IL1RAPL2: variants seen among roughly 807,000 people sequenced by gnomAD.
The protein encoded by IL1RAPL2 is interleukin 1 receptor accessory protein like 2, also known as X-linked interleukin-1 receptor accessory protein-like 2.
In IL1RAPL2, 3 loss-of-function variants were observed where a neutral mutation model predicts 44.1. The ratio of observed to expected loss-of-function variants is 0.07; its 90% CI spans 0.03 to 0.18. The LOEUF (loss-of-function observed/expected upper bound fraction) is 0.18. IL1RAPL2 is among the 10% of genes least tolerant of loss of function. IL1RAPL2 has a pLI of 1.00. For missense variants in IL1RAPL2, 391 were observed against 496.4 expected (o/e 0.79, Z 2.02); for synonymous variants, 181 against 178.8 (o/e 1.01, Z -0.10).
At chrX:105,167,640 T>G in intron 2 of IL1RAPL2, among the ~76,000 whole-genome samples, 1 of 38,527 alleles carries the variant, frequency 2.6e-5, no homozygotes, top group Admixed American at 4.0e-4. Flanking sequence ...CCCCCCCACA[T>G]ACCCACATCC....
intron 5 of IL1RAPL2, among the ~76,000 whole-genome samples, chrX:105,426,077 G>A (rs774222243): frequency 6.5e-5 from 7 of 107,277 alleles, no homozygotes; most frequent in Non-Finnish European, 1.3e-4. Context: ...ATCCATTAGG[G>A]CAGGGATTGA....
intron 2 of IL1RAPL2, among the ~76,000 whole-genome samples, chrX:104,981,027 C>G (rs1338242900): frequency 1.9e-5 from 2 of 108,019 alleles, no homozygotes; most frequent in Admixed American, 9.9e-5. Context: ...AGATCTTTCA[C>G]CTTCCTGGTT....
chrX:104,942,472 G>A (rs1925209022), intron 2 of IL1RAPL2, among the ~76,000 whole-genome samples: 1 of 110,832 alleles, frequency 9.0e-6, no homozygotes, highest in Non-Finnish European at 1.9e-5. Flanking sequence ...ATTGTGAATG[G>A]GAGTTCACTC....
At chrX:104,701,487 A>G in intron 2 of IL1RAPL2, among the ~76,000 whole-genome samples, 1 of 111,751 alleles carries the variant, frequency 8.9e-6, no homozygotes, top group Non-Finnish European at 1.9e-5. Context: ...TCTGTTTTGG[A>G]TCCCTTTTCT....
At chrX:105,338,736 G>T (rs1228697389) in intron 5 of IL1RAPL2, among the ~76,000 whole-genome samples, 2 of 111,213 alleles carry the variant, frequency 1.8e-5, no homozygotes, top group East Asian at 5.7e-4. Flanking sequence ...TTCTCCTTCA[G>T]CATCTTTTGC....
chrX:105,490,942 C>CA (rs2036312666), intron 6 of IL1RAPL2, among the ~76,000 whole-genome samples: 1 of 111,990 alleles, frequency 8.9e-6, no homozygotes, highest in Non-Finnish European at 1.9e-5. Context: ...AAAACAATGA[C>CA]AAAACTCTGT....
intron 6 of IL1RAPL2, among the ~76,000 whole-genome samples, chrX:105,553,878 A>G (rs374277778): frequency 7.1e-5 from 8 of 112,783 alleles, no homozygotes; most frequent in South Asian, 7.3e-4. Context: ...TTTTTCCTCA[A>G]TAGGACTGAC....
intron 4 of IL1RAPL2, among the ~76,000 whole-genome samples, chrX:105,238,855 A>G (rs897922937): frequency 4.5e-5 from 5 of 111,521 alleles, no homozygotes; most frequent in Non-Finnish European, 9.4e-5. Context: ...TCATGGTCAC[A>G]CATTTCCTTC....
chrX:104,859,939 T>C (rs1922452589), intron 2 of IL1RAPL2, among the ~76,000 whole-genome samples: 2 of 112,142 alleles, frequency 1.8e-5, no homozygotes, highest in African/African-American at 6.5e-5. Context: ...CACAGAGCCA[T>C]TTTTAATCTT....
intron 6 of IL1RAPL2, among the ~76,000 whole-genome samples, chrX:105,610,191 A>G (rs1425306439): frequency 3.6e-5 from 4 of 111,689 alleles, no homozygotes; most frequent in Non-Finnish European, 1.9e-5. Flanking sequence ...TTTTTAGGAT[A>G]GAAGATTGAT....
At chrX:105,266,449 G>A (rs2034403544) in intron 4 of IL1RAPL2, among the ~76,000 whole-genome samples, 1 of 111,669 alleles carries the variant, frequency 9.0e-6, no homozygotes, top group African/African-American at 3.3e-5. Context: ...AACATTTGAG[G>A]CGAATGATAG....
At chrX:105,052,214 C>G (rs1241958034) in intron 2 of IL1RAPL2, among the ~76,000 whole-genome samples, 1 of 111,658 alleles carries the variant, frequency 9.0e-6, no homozygotes, top group Non-Finnish European at 1.9e-5. Context: ...CTTCCTCTAG[C>G]CATCATGTCT....
rs999495064 is a variant in IL1RAPL2, at chrX:104,566,264, C to A, written c.-807C>A. ...AGCTCTCGGTCACTCCCACTACCCT[C>A]CCACCCGCACTCCAGGCATATTTTG... On this transcript the variant is annotated 5_prime_UTR_variant, in exon 1 of 11. Coordinates refer to ENST00000372582, the MANE Select transcript of IL1RAPL2 (RefSeq NM_017416.2). 8.9e-6 allele frequency: 1 copy of A among 112,623 alleles called. No individual in the cohort carries two copies. The highest frequency in any genetic ancestry group is 3.2e-5 in the African/African-American group (1 of 31,014). 9.3% of individuals were successfully genotyped at this position (112,623 alleles called of 1,213,427 possible).
intron 5 of IL1RAPL2, among the ~76,000 whole-genome samples, chrX:105,336,604 T>A (rs2035030593): frequency 8.9e-6 from 1 of 112,049 alleles, no homozygotes; most frequent in Admixed American, 9.5e-5. Flanking sequence ...TTTTCTTCTC[T>A]TATTCTGTAC....
intron 1 of IL1RAPL2, among the ~76,000 whole-genome samples, chrX:104,568,143 C>A (rs1202863822): frequency 1.8e-5 from 2 of 110,735 alleles, no homozygotes; most frequent in Admixed American, 9.6e-5. Flanking sequence ...AATGAGGAAG[C>A]GGGACCTGCC....
At chrX:105,094,994 A>G (rs2032587581) in intron 2 of IL1RAPL2, among the ~76,000 whole-genome samples, 1 of 111,653 alleles carries the variant, frequency 9.0e-6, no homozygotes, top group East Asian at 2.8e-4. Flanking sequence ...TACTATTAAT[A>G]TATATTTTTG....
chrX:104,632,434 G>A (rs1407124744), intron 1 of IL1RAPL2, among the ~76,000 whole-genome samples: 1 of 111,727 alleles, frequency 9.0e-6, no homozygotes, highest in Non-Finnish European at 1.9e-5. Flanking sequence ...ACCTTGGACA[G>A]TGTGGCCATT....
intron 6 of IL1RAPL2, among the ~76,000 whole-genome samples, chrX:105,666,624 TACAA>T (rs1230814824): frequency 1.8e-5 from 2 of 112,004 alleles, no homozygotes; most frequent in Non-Finnish European, 3.8e-5. Context: ...AAAAGCTGGT[TACAA>T]ACAATCCATA....
intron 2 of IL1RAPL2, among the ~76,000 whole-genome samples, chrX:104,669,413 T>C (rs1220807851): frequency 1.8e-5 from 2 of 111,211 alleles, no homozygotes; most frequent in Non-Finnish European, 1.9e-5. Flanking sequence ...CATTTTCCTC[T>C]CTGTCTCTTA....
Sources: gnomAD v4.1 joint callset for allele counts (sites outside exome capture counted in the v4.1 genomes callset) on GRCh38, gnomAD v4.1.1 for gene constraint, MANE v1.5 for transcripts, NCBI Gene and HGNC (gene_info 2026-07-23, HGNC 2026-07-21) for gene names.